Variants in MAP1B observed in about 807,000 individuals in gnomAD.
MAP1B encodes microtubule-associated protein 1B.
A neutral mutation model predicts 176.1 loss-of-function variants in MAP1B; 12 were observed. The ratio of observed to expected loss-of-function variants is 0.07; its 90% confidence interval spans 0.04 to 0.11. The LOEUF is 0.11. Ranked by LOEUF, MAP1B falls within the 10% of genes least tolerant of loss-of-function variation. The pLI is 1.00. For synonymous variants in MAP1B, 1,044 were observed against 1,135.0 expected (o/e 0.92, Z 1.61); for missense variants, 2,523 against 2,990.5 (o/e 0.84, Z 3.65).
chr5:72,107,520 G>T lies in MAP1B; in HGVS notation c.-12G>T. On this transcript the variant is annotated 5_prime_UTR_variant, in exon 1 of 7. Transcript: ENST00000296755. ...GAGCGAGACACTTCGCCGAGGCACA[G>T]CAGCCGGCAGGATGGCGACCGTGGT... is the stretch of plus-strand genomic sequence containing the variant. 1 of 1,551,532 alleles carries T rather than the reference G, an allele frequency of 6.4e-7. No homozygotes were observed.
rs373427858 is a variant in MAP1B at position 72,200,341 on chromosome 5, C to T, written c.6986C>T (p.Ser2329Phe). 7.4e-6 allele frequency: 12 copies of T among 1,613,372 alleles called. No individual in the cohort carries two copies. In the African/African-American group the frequency reaches 1.5e-4, roughly 20 times the overall value. The change falls in exon 5 of 7, where the codon TCC becomes TTC. Residue 2329 changes from serine (S) to phenylalanine (F), a missense_variant. Physicochemically the swap from Ser to Phe is radical, Grantham distance 155 (BLOSUM62 -2). This residue lies in a region of MAP1B where 287 missense variants were observed against 401.5 expected (regional missense o/e 0.71). Transcript: ENST00000296755. ...AAGAATGCTGCCAATGCCTCTGCAT[C>T]CAAGTCGGCCAAGACCGCCACTGCA... Reference protein sequence around the residue: ...ETKNAANASASKSAKTATAGP... With the variant: ...ETKNAANASAFKSAKTATAGP...
chr5:72,137,489 C>A (rs531297381), intron 2 of MAP1B, among the ~76,000 whole-genome samples: 1 of 152,296 alleles, frequency 6.6e-6, no homozygotes, highest in African/African-American at 2.4e-5. Flanking sequence ...ATGGCAGGAG[C>A]TTCCCTTAAT....
intron 2 of MAP1B, among the ~76,000 whole-genome samples, chr5:72,163,479 C>T (rs1285899151): frequency 1.3e-5 from 2 of 152,174 alleles, no homozygotes; most frequent in African/African-American, 4.8e-5. Flanking sequence ...AAGAATTGAG[C>T]TTAAACTGCT....
chr5:72,172,487 TA>T (rs2112195969), intron 2 of MAP1B, among the ~76,000 whole-genome samples: 1 of 152,344 alleles, frequency 6.6e-6, no homozygotes, highest in South Asian at 2.1e-4. Flanking sequence ...TTTTTGTTTT[TA>T]AAAGGCAGCT....
chr5:72,166,398 C>T (rs1746429782), intron 2 of MAP1B, among the ~76,000 whole-genome samples: 1 of 152,118 alleles, frequency 6.6e-6, no homozygotes, highest in Non-Finnish European at 1.5e-5. Flanking sequence ...GATCCCGGTA[C>T]ACGATGGGCA....
intron 2 of MAP1B, among the ~76,000 whole-genome samples, chr5:72,145,504 G>A (rs867219385): frequency 5.9e-5 from 9 of 152,168 alleles, no homozygotes; most frequent in African/African-American, 1.9e-4. Context: ...GTGAAATGGG[G>A]TGCCAGTGCT....
chr5:72,163,099 G>A (rs561026813), intron 2 of MAP1B, among the ~76,000 whole-genome samples: 86 of 151,926 alleles, frequency 5.7e-4, no homozygotes, highest in African/African-American at 1.9e-3. Context: ...ATGGTGGTGC[G>A]TGCCTATAGT....
intron 2 of MAP1B, among the ~76,000 whole-genome samples, chr5:72,182,990 G>T (rs1258053689): frequency 6.6e-6 from 1 of 152,216 alleles, no homozygotes; most frequent in Non-Finnish European, 1.5e-5. Flanking sequence ...GCCACCGAAT[G>T]ACCCTAGGAC....
chr5:72,118,601 T>G (rs1745472301), intron 2 of MAP1B, among the ~76,000 whole-genome samples: 4 of 151,748 alleles, frequency 2.6e-5, no homozygotes, highest in Admixed American at 2.6e-4. Context: ...TTCAAACAGA[T>G]TTTTGGGAGG....
In MAP1B at chr5:72,200,349, G is replaced by T. The variant is rs201794893; in HGVS notation, c.6994G>T (p.Ala2332Ser). The T allele has an allele frequency of 1.7e-5, 28 of 1,612,876 alleles. No homozygotes were observed. In the Admixed American group the frequency reaches 2.7e-4, roughly 15 times the overall value. Residue 2332 changes from alanine (A) to serine (S), a missense_variant, in exon 5 of 7, where the codon GCC (alanine) becomes TCC (serine). Around this residue, in one of 4 missense-constraint regions of MAP1B, gnomAD observed 287 missense variants for 401.5 expected, o/e 0.71. Transcript: ENST00000296755. The part of the protein sequence containing the change: ...NAANASASKS[A>S]KTATAGPGTT... ...TGCCAATGCCTCTGCATCCAAGTCG[G>T]CCAAGACCGCCACTGCAGGTAGGTT...
rs759856336 is a variant in MAP1B, at chr5:72,195,784, C to T, written c.2429C>T (p.Ala810Val). ...GTGATTAAVM[A>V]AAGIAAIGPA... The stretch of plus-strand genomic sequence containing the variant: ...GGAGCCACCACAGCAGCTGTCATGG[C>T]GGCAGCTGGAATAGCAGCCATTGGC... Residue 810 changes from alanine (A) to valine (V), a missense_variant, in exon 5 of 7, where the codon GCG becomes GTG. Ala to Val is a moderately conservative substitution (Grantham distance 64). Transcript: ENST00000296755. 3.2e-5 allele frequency: 52 copies of T among 1,614,006 alleles called. No individual in the cohort carries two copies. Among genetic ancestry groups the T allele is most frequent in the East Asian group, 8.9e-5 (4 of 44,886 alleles).
intron 1 of MAP1B, among the ~76,000 whole-genome samples, chr5:72,113,929 A>G (rs931743567): frequency 6.6e-6 from 1 of 152,242 alleles, no homozygotes; most frequent in African/African-American, 2.4e-5. Context: ...GATCTGCGAA[A>G]TCTCAACATG....
chr5:72,143,590 A>T (rs1211337652), intron 2 of MAP1B, among the ~76,000 whole-genome samples: 2 of 152,150 alleles, frequency 1.3e-5, no homozygotes, highest in Non-Finnish European at 2.9e-5. Context: ...TTTTTTCTAA[A>T]CTACCTTCAG....
intron 2 of MAP1B, among the ~76,000 whole-genome samples, chr5:72,130,158 C>T (rs1745702671): frequency 7.1e-6 from 1 of 140,782 alleles, no homozygotes; most frequent in South Asian, 2.3e-4. Flanking sequence ...AAAATCCCAA[C>T]TTACAGTTTA....
At chr5:72,190,763 T>C (rs1747008590) in intron 4 of MAP1B, among the ~76,000 whole-genome samples, 1 of 152,222 alleles carries the variant, frequency 6.6e-6, no homozygotes, top group Non-Finnish European at 1.5e-5. Flanking sequence ...AATTCTACTA[T>C]CACACTGTTC....
chr5:72,131,092 T>C (rs1355346633), intron 2 of MAP1B, among the ~76,000 whole-genome samples: 1 of 152,186 alleles, frequency 6.6e-6, no homozygotes, highest in African/African-American at 2.4e-5. Context: ...CGGTCTCCCA[T>C]GGAGCTCTCA....
rs536538953 is a variant in MAP1B, at chr5:72,194,643, A to G, written c.1288A>G (p.Ser430Gly). The change falls in exon 5 of 7, where the codon AGC becomes GGC. Residue 430 changes from serine to glycine, a missense_variant. Transcript: ENST00000296755. The surrounding 1 kb of genome is among the most constrained non-coding windows in gnomAD (Gnocchi z 7.2). ...GATGTATGTGCTTAATCCAGTCAAG[A>G]GCAGCAAGGAAATGCAGTATTTTAT... is the stretch of plus-strand genomic sequence containing the variant. ...LEMYVLNPVK[S>G]SKEMQYFMQQ... The G allele has an allele frequency of 7.7e-5, 124 of 1,614,168 alleles. 2 individuals carry two copies. In the South Asian group the frequency reaches 1.3e-3, roughly 17 times the overall value.
At chr5:72,113,660 A>T (rs1745382241) in intron 1 of MAP1B, among the ~76,000 whole-genome samples, 1 of 152,224 alleles carries the variant, frequency 6.6e-6, no homozygotes, top group Admixed American at 6.5e-5. Flanking sequence ...TATGAATTTA[A>T]TTTAAATGCA....
At chr5:72,152,949 C>T (rs1746169485) in intron 2 of MAP1B, among the ~76,000 whole-genome samples, 1 of 152,110 alleles carries the variant, frequency 6.6e-6, no homozygotes. Context: ...GCAATTCCAC[C>T]AGAGGAACCA....
Sources: gnomAD v4.1 joint callset for allele counts (sites outside exome capture counted in the v4.1 genomes callset) on GRCh38, gnomAD v4.1.1 for gene constraint, gnomAD v4.1.1 regional missense constraint, Gnocchi (gnomAD v3.1) non-coding constraint, MANE v1.5 for transcripts, NCBI Gene and HGNC (gene_info 2026-07-23, HGNC 2026-07-21) for gene names.